The following RILPL1 variants were observed in gnomAD, a reference collection of about 807,000 sequenced individuals.
RILPL1 encodes Rab interacting lysosomal protein like 1, also known as RILP-like protein 1.
RILPL1 carries 33 observed loss-of-function variants against 50.3 expected under a neutral mutation model. That is an observed-to-expected ratio of 0.66 (90% CI 0.50 to 0.88). The LOEUF is 0.88. Ranked by LOEUF, RILPL1 falls within the 40% of genes least tolerant of loss-of-function variation. RILPL1 has a pLI of 0.00. For missense variants in RILPL1, 418 were observed against 542.5 expected (o/e 0.77, Z 2.28); for synonymous variants, 205 against 228.6 (o/e 0.90, Z 0.93).
At chr12:123,494,264 C>A (rs1882890343) in intron 4 of RILPL1, among the ~76,000 whole-genome samples, 1 of 152,216 alleles carries the variant, frequency 6.6e-6, no homozygotes, top group Non-Finnish European at 1.5e-5. Flanking sequence ...GAAACCACCA[C>A]AACCTGCAGC....
rs1332168855 is a variant in RILPL1, at chr12:123,472,434, CAT to C, written c.*102_*103del. 3 of 1,278,742 alleles carry C rather than the reference CAT, an allele frequency of 2.3e-6. No individual in the cohort carries two copies. Among genetic ancestry groups the C allele is most frequent in the Non-Finnish European group, 3.3e-6 (3 of 921,424 alleles). The allele number at this position is 1,278,742 out of a possible 1,614,324, so 79.2% of individuals were successfully genotyped here. A position where few individuals can be genotyped will look rare whatever the true frequency, so the allele number is the denominator to read the frequency against. ...GTTTGAGGGGTCAGTTTTCAGGGTG[CAT>C]CTGCACCGAGAGGCTTGAGGCAGCA... is the stretch of plus-strand genomic sequence containing the variant. On this transcript the variant is annotated 3_prime_UTR_variant, in exon 7 of 7. Coordinates refer to ENST00000376874, the MANE Select transcript of RILPL1 (RefSeq NM_178314.5).
chr12:123,483,709 G>A (rs1429718230), intron 6 of RILPL1, among the ~76,000 whole-genome samples: 4 of 152,100 alleles, frequency 2.6e-5, no homozygotes, highest in Admixed American at 6.6e-5. Context: ...CTCTGCATGC[G>A]TTATGCAGTA....
At chr12:123,487,469 G>A (rs1347096015) in intron 4 of RILPL1, among the ~76,000 whole-genome samples, 2 of 152,060 alleles carry the variant, frequency 1.3e-5, no homozygotes, top group Admixed American at 6.6e-5. Flanking sequence ...ATCATGCCCG[G>A]GCTAAGTTTT....
chr12:123,517,087 A>G (rs1306232810), intron 2 of RILPL1, among the ~76,000 whole-genome samples: 1 of 152,118 alleles, frequency 6.6e-6, no homozygotes, highest in African/African-American at 2.4e-5. Context: ...AACAAACAAA[A>G]AAATCCCATT....
At chr12:123,514,735 T>C (rs1884593494) in intron 2 of RILPL1, among the ~76,000 whole-genome samples, 1 of 151,996 alleles carries the variant, frequency 6.6e-6, no homozygotes, top group South Asian at 2.1e-4. Flanking sequence ...CCATTATGAA[T>C]AACTTAAATG....
chr12:123,528,536 T>C (rs2139392642), intron 1 of RILPL1, among the ~76,000 whole-genome samples: 1 of 151,518 alleles, frequency 6.6e-6, no homozygotes, highest in East Asian at 2.0e-4. Context: ...CATGCCATTC[T>C]CCTGCCTCAG....
chr12:123,522,131 C>T lies in RILPL1; in HGVS notation c.460+1364G>A, dbSNP rs1256007446. Among the ~76,000 whole-genome samples the T allele has an allele frequency of 6.6e-6, 1 of 152,122 alleles. No homozygotes were observed. The highest frequency in any genetic ancestry group is 2.4e-5 in the African/African-American group (1 of 41,432). ...ACACATTCTGAAGTTGGGCACCCAC[C>T]CCAGGTCCGTCCCCGTTCCATCAAA... is the stretch of plus-strand genomic sequence containing the variant. On this transcript the variant is annotated intron_variant, in intron 2 of 6. Transcript: ENST00000376874. This position sits in a 1 kb window ranked among gnomAD's most constrained non-coding sequence, Gnocchi z 4.0.
intron 5 of RILPL1, 136 bp from the exon 6 acceptor site, chr12:123,484,408 T>C (rs2139316984): frequency 1.4e-6 from 1 of 702,550 alleles, no homozygotes; most frequent in East Asian, 2.7e-5. Flanking sequence ...TCCAGTTTAT[T>C]CTGAAGAGTC....
intron 2 of RILPL1, among the ~76,000 whole-genome samples, chr12:123,511,424 AGGTCTCTGTGTGTGT>A (rs1229511788): frequency 3.0e-4 from 10 of 32,788 alleles, no homozygotes; most frequent in East Asian, 8.8e-4. Flanking sequence ...TCTGTGTGTG[AGGTCTCTGTGTGTGT>A]GGTCTCTGTG....
At chr12:123,523,687 G>C in intron 1 of RILPL1, 42 bp from the exon 2 acceptor site, 1 of 1,591,832 alleles carries the variant, frequency 6.3e-7, no homozygotes, top group Non-Finnish European at 8.5e-7. Flanking sequence ...TGCCTGCCCA[G>C]AGCAGCCGCC....
chr12:123,508,980 G>T (rs1455871896), intron 2 of RILPL1, among the ~76,000 whole-genome samples: 1 of 152,194 alleles, frequency 6.6e-6, no homozygotes, highest in Admixed American at 6.6e-5. Flanking sequence ...GAGGTCAGGA[G>T]TTGGAGACCA....
intron 6 of RILPL1, among the ~76,000 whole-genome samples, chr12:123,483,899 C>G (rs1402093058): frequency 6.6e-6 from 1 of 152,142 alleles, no homozygotes; most frequent in Non-Finnish European, 1.5e-5. Context: ...ACCCCACCCC[C>G]ATGAAACACA....
rs1241965003 is a variant in RILPL1 at position 123,522,609 on chromosome 12, CTTT to C, written c.460+883_460+885del. Among the ~76,000 whole-genome samples the C allele has an allele frequency of 2.0e-5, 3 of 152,106 alleles. No homozygotes were observed. Among genetic ancestry groups the C allele is most frequent in the Non-Finnish European group, 2.9e-5 (2 of 68,024 alleles). ...AATCATCTTCTGACACACTAGCCTT[CTTT>C]ATTTTTTTCATCTTACTGTCGCTCA... On this transcript the variant is annotated intron_variant, in intron 2 of 6. Transcript: ENST00000376874. This position sits in a 1 kb window ranked among gnomAD's most constrained non-coding sequence, Gnocchi z 4.0.
chr12:123,509,331 A>C (rs1343215054), intron 2 of RILPL1, among the ~76,000 whole-genome samples: 1 of 152,220 alleles, frequency 6.6e-6, no homozygotes, highest in Non-Finnish European at 1.5e-5. Flanking sequence ...TGGGAGGCTG[A>C]GGCAGGTGGA....
intron 4 of RILPL1, among the ~76,000 whole-genome samples, chr12:123,496,833 T>C (rs1013296175): frequency 6.6e-6 from 1 of 152,214 alleles, no homozygotes; most frequent in Non-Finnish European, 1.5e-5. Flanking sequence ...GATGGACAGC[T>C]CTGGCCACGC....
chr12:123,513,564 G>T (rs61509618), intron 2 of RILPL1: 1 of 206,290 alleles, frequency 4.8e-6, no homozygotes, highest in Non-Finnish European at 1.0e-5. Context: ...TTCCCTTCAG[G>T]CCTCGGTGCT....
chr12:123,497,824 GA>G (rs1318351601), intron 4 of RILPL1, among the ~76,000 whole-genome samples: 1 of 152,192 alleles, frequency 6.6e-6, no homozygotes, highest in African/African-American at 2.4e-5. Context: ...AAAGGGCTGG[GA>G]TTACAAGTGC....
At chr12:123,493,544 A>G (rs1882833274) in intron 4 of RILPL1, among the ~76,000 whole-genome samples, 1 of 152,092 alleles carries the variant, frequency 6.6e-6, no homozygotes, top group African/African-American at 2.4e-5. Flanking sequence ...AGAAACACCC[A>G]CAGGTGTGGA....
At chr12:123,490,457 G>C (rs112108007) in intron 4 of RILPL1, among the ~76,000 whole-genome samples, 8 of 152,282 alleles carry the variant, frequency 5.3e-5, no homozygotes, top group Non-Finnish European at 1.0e-4. Flanking sequence ...AACTGCCCAA[G>C]ACATTGAAGG....
Sources: gnomAD v4.1 joint callset for allele counts (sites outside exome capture counted in the v4.1 genomes callset) on GRCh38, gnomAD v4.1.1 for gene constraint, Gnocchi (gnomAD v3.1) non-coding constraint, MANE v1.5 for transcripts, NCBI Gene and HGNC (gene_info 2026-07-23, HGNC 2026-07-21) for gene names.